The following ST6GAL1 variants were observed in gnomAD, a reference collection of about 807,000 sequenced individuals.
ST6GAL1 encodes ST6 beta-galactoside alpha-2,6-sialyltransferase 1, also known as beta-galactoside alpha-2,6-sialyltransferase 1.
A neutral mutation model predicts 38.0 loss-of-function variants in ST6GAL1; 20 were observed. The ratio of observed to expected loss-of-function variants is 0.53; its 90% CI spans 0.37 to 0.77. ST6GAL1 has a LOEUF of 0.77. Among genes scored for constraint, ST6GAL1 ranks in the 30% least tolerant of loss-of-function variants. The pLI is 0.00. For synonymous variants in ST6GAL1, 196 were observed against 188.2 expected, an observed-to-expected ratio of 1.04 and a Z score of -0.34; for missense variants, 432 against 496.4, an observed-to-expected ratio of 0.87 and a Z score of 1.23.
At chr3:186,946,794 T>A (rs1714385977) in intron 1 of ST6GAL1, among the ~76,000 whole-genome samples, 1 of 152,138 alleles carries the variant, frequency 6.6e-6, no homozygotes, top group African/African-American at 2.4e-5. Context: ...AAGGCACCAT[T>A]AAAAACTGGT....
At chr3:186,976,698 G>A (rs1220609127) in intron 2 of ST6GAL1, among the ~76,000 whole-genome samples, 1 of 152,188 alleles carries the variant, frequency 6.6e-6, no homozygotes, top group East Asian at 1.9e-4. Context: ...CCAAAGTGCT[G>A]AGATTACAGG....
Position 187,077,428 on chromosome 3 carries a change from A to G in ST6GAL1, c.*1625A>G, listed in dbSNP as rs9716. The G allele has an allele frequency of 0.25, 39,351 of 154,486 alleles. 5,205 individuals are homozygous for G. The highest frequency in any genetic ancestry group is 0.29 in the Non-Finnish European group (20,310 of 69,772). 9.6% of individuals were successfully genotyped at this position (154,486 alleles called of 1,614,324 possible). A position where few individuals can be genotyped will look rare whatever the true frequency, so the allele number is the denominator to read the frequency against. On this transcript the variant is annotated 3_prime_UTR_variant, in exon 8 of 8. Coordinates refer to ENST00000169298, the MANE Select transcript of ST6GAL1 (RefSeq NM_173216.2). ...AGGCTGGCCCCATGTGCTCAAGGGG[A>G]TCTAATGTTTGGGCTCCAAACTAAC...
intron 2 of ST6GAL1, among the ~76,000 whole-genome samples, chr3:186,984,880 C>T (rs1255344707): frequency 2.1e-5 from 3 of 140,762 alleles, no homozygotes; most frequent in African/African-American, 5.3e-5. Context: ...TCCTTCCTTC[C>T]GTCCTTTCTT....
intron 5 of ST6GAL1, among the ~76,000 whole-genome samples, chr3:187,067,106 TTG>T (rs1352380458): frequency 0.039 from 3,671 of 94,598 alleles, 290 homozygotes; most frequent in African/African-American, 0.16. Flanking sequence ...TTTTTTTTTT[TTG>T]GAGACAGAGT....
intron 2 of ST6GAL1, among the ~76,000 whole-genome samples, chr3:187,003,631 CT>C (rs1248037896): frequency 6.6e-6 from 1 of 152,154 alleles, no homozygotes; most frequent in African/African-American, 2.4e-5. Flanking sequence ...GCATTGGATA[CT>C]TTGCTACTGT....
At chr3:186,981,495 G>A (rs10513811) in intron 2 of ST6GAL1, among the ~76,000 whole-genome samples, 3,726 of 152,268 alleles carry the variant, frequency 0.024, 142 homozygotes, top group African/African-American at 0.077. Flanking sequence ...GCCTTGTACC[G>A]TGGGTAACCT....
intron 2 of ST6GAL1, among the ~76,000 whole-genome samples, chr3:187,010,981 G>T (rs1716937920): frequency 6.6e-6 from 1 of 152,124 alleles, no homozygotes; most frequent in African/African-American, 2.4e-5. Context: ...AGAGAACTTT[G>T]AGCGTTAGCT....
In ST6GAL1 at chr3:186,970,183, G is replaced by C. The variant is rs577637129; in HGVS notation, c.-183+6257G>C. On this transcript the variant is annotated intron_variant, in intron 2 of 7. Coordinates refer to ENST00000169298, the MANE Select transcript of ST6GAL1 (RefSeq NM_173216.2). Reference sequence around the variant, plus strand: ...TTAGTATAGGCATCCCTAGAATCAAGATAGAGAACTATTTCTTTTTCTTTT... The same window carrying C: ...TTAGTATAGGCATCCCTAGAATCAACATAGAGAACTATTTCTTTTTCTTTT... Among the ~76,000 whole-genome samples, 63 of 151,388 alleles carry C rather than the reference G, an allele frequency of 4.2e-4. No homozygotes were observed. In the South Asian group the frequency reaches 0.013, roughly 30 times the overall value.
At chr3:186,977,936 G>A (rs530493654) in intron 2 of ST6GAL1, among the ~76,000 whole-genome samples, 18 of 152,250 alleles carry the variant, frequency 1.2e-4, no homozygotes, top group Admixed American at 2.0e-4. Flanking sequence ...AGTCTCGGCC[G>A]GGCGTGGTGG....
intron 4 of ST6GAL1, among the ~76,000 whole-genome samples, chr3:187,047,303 G>A (rs943631376): frequency 5.3e-5 from 8 of 151,310 alleles, no homozygotes; most frequent in African/African-American, 7.3e-5. Flanking sequence ...TTCTTCAACC[G>A]GACTCAGAAT....
intron 1 of ST6GAL1, among the ~76,000 whole-genome samples, chr3:186,941,945 G>A (rs1714192424): frequency 6.6e-6 from 1 of 151,788 alleles, no homozygotes; most frequent in African/African-American, 2.4e-5. Flanking sequence ...CCAGGAGGCC[G>A]AGCTTGCAGT....
At chr3:186,938,953 T>C (rs1714062696) in intron 1 of ST6GAL1, among the ~76,000 whole-genome samples, 1 of 151,900 alleles carries the variant, frequency 6.6e-6, no homozygotes, top group African/African-American at 2.4e-5. Flanking sequence ...CATGGGACTG[T>C]GTGTGTGTAT....
intron 2 of ST6GAL1, among the ~76,000 whole-genome samples, chr3:186,964,584 A>G (rs1275970326): frequency 3.9e-5 from 6 of 152,088 alleles, no homozygotes; most frequent in Non-Finnish European, 1.5e-5. Context: ...TCCTGTGTGG[A>G]GGTAGAAAGG....
chr3:186,972,784 C>T (rs948361247), intron 2 of ST6GAL1, among the ~76,000 whole-genome samples: 1 of 152,124 alleles, frequency 6.6e-6, no homozygotes, highest in Non-Finnish European at 1.5e-5. Context: ...GTAGCACTGC[C>T]CTATAGCTGG....
chr3:187,011,534 T>TCAGAA (rs1408597966), intron 2 of ST6GAL1, among the ~76,000 whole-genome samples: 5 of 152,188 alleles, frequency 3.3e-5, no homozygotes, highest in Admixed American at 3.3e-4. Flanking sequence ...ATGGTAGCTT[T>TCAGAA]TGTTGTCCTT....
intron 2 of ST6GAL1, among the ~76,000 whole-genome samples, chr3:187,020,095 A>C (rs1717245677): frequency 6.6e-6 from 1 of 152,096 alleles, no homozygotes; most frequent in African/African-American, 2.4e-5. Context: ...TCAGGAATTC[A>C]AGACCAGCCT....
At chr3:187,069,440 GT>G (rs975364972) in intron 5 of ST6GAL1, among the ~76,000 whole-genome samples, 29 of 152,200 alleles carry the variant, frequency 1.9e-4, no homozygotes, top group African/African-American at 6.5e-4. Context: ...TATACCAGTT[GT>G]TCCTTTTTCT....
intron 2 of ST6GAL1, among the ~76,000 whole-genome samples, chr3:187,015,762 C>T (rs1717094405): frequency 6.6e-6 from 1 of 151,990 alleles, no homozygotes; most frequent in African/African-American, 2.4e-5. Context: ...TTGGTGGAGG[C>T]TGGGAGGTCG....
chr3:187,049,690 A>G (rs1222891321), intron 4 of ST6GAL1, among the ~76,000 whole-genome samples: 1 of 152,220 alleles, frequency 6.6e-6, no homozygotes, highest in Non-Finnish European at 1.5e-5. Context: ...CTTGGTAAGT[A>G]GTCCTTTTAT....
Sources: gnomAD v4.1 joint callset for allele counts (sites outside exome capture counted in the v4.1 genomes callset) on GRCh38, gnomAD v4.1.1 for gene constraint, MANE v1.5 for transcripts, NCBI Gene and HGNC (gene_info 2026-07-23, HGNC 2026-07-21) for gene names.